The following PRSS23 variants were observed in gnomAD, a reference collection of about 807,000 sequenced individuals.
PRSS23 encodes serine protease 23.
PRSS23 carries 25 observed loss-of-function variants against 34.7 expected under a neutral mutation model. That is an observed-to-expected ratio of 0.72 (90% CI 0.53 to 1.01). PRSS23 has a LOEUF of 1.01. PRSS23 is among the 50% of genes least tolerant of loss of function. The pLI, the probability that PRSS23 is intolerant of heterozygous loss-of-function variation, is 0.00. For synonymous variants in PRSS23, 176 were observed against 186.6 expected (o/e 0.94, Z 0.46); for missense variants, 445 against 475.6 (o/e 0.94, Z 0.60).
chr11:86,840,376 C>T (rs965746595), intron 2 of PRSS23, among the ~76,000 whole-genome samples: 26 of 152,236 alleles, frequency 1.7e-4, no homozygotes, highest in African/African-American at 6.0e-4. Flanking sequence ...AAGAAGGCCA[C>T]TACATAATGG....
chr11:86,937,618 C>A (rs1740351736), intron 2 of PRSS23: 1 of 152,220 alleles, frequency 6.6e-6, no homozygotes, highest in Non-Finnish European at 1.5e-5. Flanking sequence ...ACACTCCCAC[C>A]AGCACCATGA....
intron 2 of PRSS23, among the ~76,000 whole-genome samples, chr11:86,939,920 C>A (rs1362879644): frequency 6.6e-6 from 1 of 152,054 alleles, no homozygotes; most frequent in Admixed American, 6.6e-5. Context: ...TTCTGTAGAT[C>A]TGGTTAGGCA....
intron 2 of PRSS23, among the ~76,000 whole-genome samples, chr11:86,873,755 G>A (rs181397989): frequency 7.2e-5 from 11 of 152,290 alleles, no homozygotes; most frequent in Admixed American, 1.3e-4. Context: ...TGACAACCAT[G>A]TTCCACTATC....
At chr11:86,902,215 A>ATAGG in intron 2 of PRSS23, among the ~76,000 whole-genome samples, 1 of 152,192 alleles carries the variant, frequency 6.6e-6, no homozygotes, top group Non-Finnish European at 1.5e-5. Context: ...ACCTGTGCTC[A>ATAGG]GAAACTATAG....
At chr11:86,879,031 C>T (rs1373206591) in intron 2 of PRSS23, among the ~76,000 whole-genome samples, 11 of 143,888 alleles carry the variant, frequency 7.6e-5, no homozygotes, top group Admixed American at 6.2e-4. Flanking sequence ...CGTCTCTGCC[C>T]GGCAGCCATC....
chr11:86,894,244 A>G (rs1948860644), intron 2 of PRSS23, among the ~76,000 whole-genome samples: 3 of 152,148 alleles, frequency 2.0e-5, no homozygotes, highest in Non-Finnish European at 4.4e-5. Flanking sequence ...TCCTGACCTC[A>G]AGTGATCTGC....
intron 2 of PRSS23, chr11:86,910,297 T>A (rs1178510388): frequency 6.6e-6 from 1 of 152,162 alleles, no homozygotes; most frequent in Non-Finnish European, 1.5e-5. Flanking sequence ...GAAGATCAGT[T>A]TTCATACAGC....
chr11:86,914,131 CAGG>C (rs1337744440), intron 2 of PRSS23, among the ~76,000 whole-genome samples: 2 of 150,630 alleles, frequency 1.3e-5, no homozygotes, highest in African/African-American at 4.9e-5. Context: ...GAGGCTGAAG[CAGG>C]AGAATTGCTT....
intron 2 of PRSS23, chr11:86,892,172 T>G (rs1948846120): frequency 6.6e-6 from 1 of 152,256 alleles, no homozygotes; most frequent in Non-Finnish European, 1.5e-5. Flanking sequence ...CTTGTTCTGC[T>G]GCTATCACTA....
At chr11:86,792,909 G>C (rs1438475643) in intron 1 of PRSS23, among the ~76,000 whole-genome samples, 2 of 152,150 alleles carry the variant, frequency 1.3e-5, no homozygotes, top group African/African-American at 2.4e-5. Context: ...GTCTCACTTT[G>C]TCACCCAGGC....
chr11:86,832,538 C>G (rs553269961), intron 2 of PRSS23: 17 of 365,510 alleles, frequency 4.7e-5, no homozygotes, highest in South Asian at 4.2e-4. Flanking sequence ...AACTGTTCTG[C>G]CATGCAACCA....
chr11:86,914,996 A>C (rs954297408), intron 2 of PRSS23, among the ~76,000 whole-genome samples: 6 of 152,228 alleles, frequency 3.9e-5, no homozygotes, highest in Non-Finnish European at 8.8e-5. Flanking sequence ...TAGAGACGTG[A>C]TTAACCTCAT....
chr11:86,912,630 C>G (rs1948985269), intron 2 of PRSS23, among the ~76,000 whole-genome samples: 1 of 152,028 alleles, frequency 6.6e-6, no homozygotes, highest in South Asian at 2.1e-4. Context: ...CCATTTGGTT[C>G]TTTTTTTAAT....
At chr11:86,829,284 A>G (rs1392713567) in intron 2 of PRSS23, among the ~76,000 whole-genome samples, 1 of 152,140 alleles carries the variant, frequency 6.6e-6, no homozygotes. Context: ...AGTTGATCAC[A>G]TCGGCTCCTG....
downstream of PRSS23, among the ~76,000 whole-genome samples, chr11:86,815,994 A>G (rs1225559877): frequency 6.6e-6 from 1 of 152,086 alleles, no homozygotes; most frequent in East Asian, 1.9e-4. Context: ...TATGTTTCCT[A>G]TTGACTAGAT....
chr11:86,872,999 C>T (rs1447611353), intron 2 of PRSS23, among the ~76,000 whole-genome samples: 1 of 152,036 alleles, frequency 6.6e-6, no homozygotes, highest in Non-Finnish European at 1.5e-5. Context: ...TCAATGGACT[C>T]AATCAACTAT....
At chr11:86,857,294 C>G (rs1000162222) in intron 2 of PRSS23, 1 of 671,372 alleles carries the variant, frequency 1.5e-6, no homozygotes. Flanking sequence ...GTGGAGAAGG[C>G]TTTATACTTC....
chr11:86,931,846 A>AG lies in PRSS23; in HGVS notation c.207-19369dup, dbSNP rs61062069. 3.9e-3 allele frequency among the ~76,000 whole-genome samples: 590 copies of AG among 151,840 alleles called. 3 individuals are homozygous for AG. The highest frequency in any genetic ancestry group is 5.3e-3 in the African/African-American group (220 of 41,380). On this transcript the variant is annotated intron_variant, in intron 2 of 2. Coordinates refer to the PRSS23 transcript ENST00000533902. Reference sequence around the variant, plus strand: ...TGTACTTCAATTTTTTTTAAAAAAAAGAGTGGACATTGAGGAAGATAGGAG... The same window carrying AG: ...TGTACTTCAATTTTTTTTAAAAAAAAGGAGTGGACATTGAGGAAGATAGGAG...
chr11:86,821,943 G>A (rs1948255694), intron 1 of PRSS23, among the ~76,000 whole-genome samples: 7 of 152,148 alleles, frequency 4.6e-5, no homozygotes. Context: ...ATTTTAAAAG[G>A]AGAATTGACA....
Sources: allele counts gnomAD v4.1 joint callset (sites outside exome capture counted in the v4.1 genomes callset), GRCh38; gene constraint gnomAD v4.1.1; transcripts MANE v1.5; gene names NCBI Gene and HGNC (gene_info 2026-07-23, HGNC 2026-07-21).